The following TMEM244 variants were observed in gnomAD, a reference collection of about 807,000 sequenced individuals.
TMEM244 encodes the protein putative transmembrane protein 244.
TMEM244 carries 13 observed loss-of-function variants against 15.8 expected under a neutral mutation model. The observed-to-expected ratio is 0.82, with a 90% CI of 0.53 to 1.30. The LOEUF is 1.30. Among genes scored for constraint, TMEM244 ranks in the 50% most tolerant of loss-of-function variants. The pLI is 0.00. For missense variants in TMEM244, 161 were observed against 144.9 expected (o/e 1.11, Z -0.57); for synonymous variants, 45 against 48.7 (o/e 0.92, Z 0.32).
At chr6:129,846,507 A>T (rs1317769728) in intron 1 of TMEM244, among the ~76,000 whole-genome samples, 1 of 152,194 alleles carries the variant, frequency 6.6e-6, no homozygotes, top group Non-Finnish European at 1.5e-5. Context: ...CTGCCTGAAG[A>T]GGTTACCATC....
intron 1 of TMEM244, among the ~76,000 whole-genome samples, chr6:129,851,468 C>T (rs1320540810): frequency 6.6e-6 from 1 of 152,118 alleles, no homozygotes; most frequent in Admixed American, 6.6e-5. Flanking sequence ...CGGGGTTTCA[C>T]CATGTTGGCC....
chr6:129,835,491 C>T (rs1015833611), intron 3 of TMEM244, among the ~76,000 whole-genome samples: 1 of 151,884 alleles, frequency 6.6e-6, no homozygotes, highest in Non-Finnish European at 1.5e-5. Context: ...GAGATCGACG[C>T]AGAAGATGGG....
chr6:129,855,713 G>C (rs886202099), intron 1 of TMEM244, among the ~76,000 whole-genome samples: 25 of 152,080 alleles, frequency 1.6e-4, no homozygotes, highest in African/African-American at 6.0e-4. Context: ...CTCTACAAAG[G>C]TAATATTGTG....
intron 1 of TMEM244, among the ~76,000 whole-genome samples, chr6:129,858,420 C>G (rs955878839): frequency 2.0e-5 from 3 of 152,116 alleles, no homozygotes; most frequent in African/African-American, 7.2e-5. Flanking sequence ...GCAGAATGTT[C>G]CCATTGCCTA....
rs1238780215 is a variant in TMEM244 at position 129,834,628 on chromosome 6, G to A, written c.194-1043C>T. On this transcript the variant is annotated intron_variant, in intron 3 of 4. Transcript: ENST00000368143. Reference sequence around the variant, plus strand: ...TGCCCCAGGTGCAATCTTTTTAAAGGCCTCACACATATTCCTCTTCAATTC... The same window carrying A: ...TGCCCCAGGTGCAATCTTTTTAAAGACCTCACACATATTCCTCTTCAATTC... Among the ~76,000 whole-genome samples, 5 of 152,110 alleles carry A rather than the reference G, an allele frequency of 3.3e-5. No homozygotes were observed. The South Asian group carries it at 1.0e-3, about 32-fold the overall frequency.
intron 1 of TMEM244, among the ~76,000 whole-genome samples, chr6:129,854,887 G>C (rs1367195578): frequency 6.6e-6 from 1 of 152,294 alleles, no homozygotes; most frequent in South Asian, 2.1e-4. Flanking sequence ...TGAAGATCTA[G>C]GCTCTTAGGA....
chr6:129,839,101 C>T (rs1029145955), intron 3 of TMEM244, among the ~76,000 whole-genome samples: 1 of 152,114 alleles, frequency 6.6e-6, no homozygotes, highest in African/African-American at 2.4e-5. Flanking sequence ...ATCCTGATAC[C>T]AAAGCCTGGT....
chr6:129,847,824 G>A (rs1776581386), intron 1 of TMEM244, among the ~76,000 whole-genome samples: 1 of 149,726 alleles, frequency 6.7e-6, no homozygotes, highest in African/African-American at 2.5e-5. Flanking sequence ...GCCCAGGCTG[G>A]AGTGCAATGG....
At chr6:129,833,431 C>A in intron 4 of TMEM244, 29 bp downstream of exon 4, 1 of 1,600,686 alleles carries the variant, frequency 6.2e-7, no homozygotes, top group South Asian at 1.1e-5. Flanking sequence ...AATACATTTT[C>A]CTTGTTTCTG....
At chr6:129,838,867 A>G (rs1776446401) in intron 3 of TMEM244, among the ~76,000 whole-genome samples, 1 of 152,230 alleles carries the variant, frequency 6.6e-6, no homozygotes. Context: ...CACCCTCCCA[A>G]GACTAAATCA....
intron 3 of TMEM244, among the ~76,000 whole-genome samples, chr6:129,836,550 A>C (rs951433213): frequency 6.6e-6 from 1 of 152,324 alleles, no homozygotes; most frequent in Admixed American, 6.5e-5. Flanking sequence ...GTGAGGGAAC[A>C]AAACTGGGTG....
intron 1 of TMEM244, among the ~76,000 whole-genome samples, chr6:129,849,561 G>C (rs1403766091): frequency 6.6e-6 from 1 of 152,100 alleles, no homozygotes; most frequent in Non-Finnish European, 1.5e-5. Context: ...GGATGCAGTT[G>C]AGCTGTTGTT....
At chr6:129,836,997 C>T (rs147463923) in intron 3 of TMEM244, among the ~76,000 whole-genome samples, 3 of 152,312 alleles carry the variant, frequency 2.0e-5, no homozygotes, top group African/African-American at 7.2e-5. Context: ...TTAGAAAACA[C>T]TCTTCAGGAT....
intron 3 of TMEM244, among the ~76,000 whole-genome samples, chr6:129,842,777 C>T (rs1445384039): frequency 6.6e-6 from 1 of 151,078 alleles, no homozygotes; most frequent in African/African-American, 2.4e-5. Flanking sequence ...TGATAGAAAA[C>T]ATTCAAATTT....
At position 129,855,520 on chromosome 6, in the gene TMEM244, T is replaced by C. The variant is rs565633373; in HGVS notation, c.33+5636A>G. Reference sequence around the variant, plus strand: ...AACTATTACTACACACAATAAATCCTACACGGATATAAAATATCATTGACA... The same window carrying C: ...AACTATTACTACACACAATAAATCCCACACGGATATAAAATATCATTGACA... On this transcript the variant is annotated intron_variant, in intron 1 of 4. Coordinates refer to ENST00000368143, the MANE Select transcript of TMEM244 (RefSeq NM_001010876.2). Among the ~76,000 whole-genome samples the C allele has an allele frequency of 1.2e-4, 19 of 152,342 alleles. No homozygotes were observed. In the South Asian group the frequency reaches 3.7e-3, roughly 30 times the overall value.
Position 129,831,255 on chromosome 6 carries a change from A to T in TMEM244, c.*64T>A. ...TAGAAAGACAATAATTGTAAAATCTATGAGAAAATAAAATATATTTCCACA... is the reference window on the plus strand; with the variant it reads ...TAGAAAGACAATAATTGTAAAATCTTTGAGAAAATAAAATATATTTCCACA... On this transcript the variant is annotated 3_prime_UTR_variant, in exon 5 of 5. Transcript: ENST00000368143. 1.0e-6 allele frequency: 1 copy of T among 977,858 alleles called. No homozygotes were observed. Among genetic ancestry groups the T allele is most frequent in the Non-Finnish European group, 1.6e-6 (1 of 629,826 alleles). 60.6% of individuals were successfully genotyped at this position (977,858 alleles called of 1,614,324 possible).
At chr6:129,849,078 A>G (rs1776601880) in intron 1 of TMEM244, among the ~76,000 whole-genome samples, 1 of 152,116 alleles carries the variant, frequency 6.6e-6, no homozygotes, top group African/African-American at 2.4e-5. Flanking sequence ...AATCTGTGTA[A>G]GACATTTGGA....
At chr6:129,843,920 G>A (rs145319694) in intron 2 of TMEM244, among the ~76,000 whole-genome samples, 21 of 152,268 alleles carry the variant, frequency 1.4e-4, no homozygotes, top group Non-Finnish European at 2.2e-4. Flanking sequence ...GTCTAGTTAC[G>A]AAATGTAAAC....
rs769150690 is a variant in TMEM244, at chr6:129,843,557, G to C, written c.166C>G (p.Pro56Ala). ...TTATAGTTTATGTTGAGCCATGAGG[G>C]ATTTGTTTTGAAATCAAATGGAGCC... is the stretch of plus-strand genomic sequence containing the variant. ...VLAPFDFKTN[P>A]SWLNINYKVL... Residue 56 changes from proline (P) to alanine (A), a missense_variant, in exon 3 of 5, where the codon CCC becomes GCC. Coordinates refer to ENST00000368143, the MANE Select transcript of TMEM244 (RefSeq NM_001010876.2). 5.0e-6 allele frequency: 8 copies of C among 1,612,084 alleles called. No homozygotes were observed. Among genetic ancestry groups the C allele is most frequent in the Non-Finnish European group, 6.8e-6 (8 of 1,178,562 alleles).
Sources: gnomAD v4.1 joint callset for allele counts (sites outside exome capture counted in the v4.1 genomes callset) on GRCh38, gnomAD v4.1.1 for gene constraint, MANE v1.5 for transcripts, NCBI Gene and HGNC (gene_info 2026-07-23, HGNC 2026-07-21) for gene names.